RBM14: variants seen among roughly 807,000 people sequenced by gnomAD.
RBM14 encodes RNA-binding protein 14.
RBM14 carries 5 observed loss-of-function variants against 52.8 expected under a neutral mutation model. That is an observed-to-expected ratio of 0.09 (90% confidence interval 0.05 to 0.20). RBM14 has a LOEUF of 0.20. Among genes scored for constraint, RBM14 ranks in the 10% least tolerant of loss-of-function variants. RBM14 has a pLI of 1.00. For synonymous variants in RBM14, 411 were observed against 401.8 expected (o/e 1.02, Z -0.28); for missense variants, 780 against 926.6 (o/e 0.84, Z 2.05).
chr11:66,623,147 A>G (rs527976621), intron 1 of RBM14, among the ~76,000 whole-genome samples: 1 of 152,322 alleles, frequency 6.6e-6, no homozygotes, highest in African/African-American at 2.4e-5. Context: ...AGCTGCAGTA[A>G]TTGCAGCTTC....
In RBM14 at chr11:66,629,633, G is replaced by A. The variant is rs1175519701; in HGVS notation, c.*2965G>A. The stretch of plus-strand genomic sequence containing the variant: ...CAGATTTACTGGATTTATGGACCTA[G>A]TATATACTATGTAACAGATGGAAAA... On this transcript the variant is annotated 3_prime_UTR_variant, in exon 3 of 3. Transcript: ENST00000310137. Among the ~76,000 whole-genome samples, 1 of 152,198 alleles carries A rather than the reference G, an allele frequency of 6.6e-6. No homozygotes were observed. The highest frequency in any genetic ancestry group is 1.5e-5 in the Non-Finnish European group (1 of 68,040).
chr11:66,626,170 AG>A, intron 2 of RBM14, among the ~76,000 whole-genome samples: 1 of 152,228 alleles, frequency 6.6e-6, no homozygotes, highest in East Asian at 1.9e-4. Flanking sequence ...CTTTCTCTGC[AG>A]GGCCCAGGGG....
At position 66,624,917 on chromosome 11, in the gene RBM14, T is replaced by G; in HGVS notation, c.1041T>G (p.Ser347=). The G allele has an allele frequency of 1.2e-6, 2 of 1,613,784 alleles. No individual in the cohort carries two copies. The highest frequency in any genetic ancestry group is 1.7e-6 in the Non-Finnish European group (2 of 1,179,924). The part of the protein sequence containing the change: ...SLASYGNQPS[S]YGAQAASSYG... ...CCTCCTATGGTAACCAGCCATCCTC[T>G]TACGGCGCCCAGGCTGCCTCTTCCT... Residue 347 remains serine (S), a synonymous_variant, in exon 2 of 3, where the codon TCT becomes TCG. Coordinates refer to ENST00000310137, the MANE Select transcript of RBM14 (RefSeq NM_006328.4). This position sits in a 1 kb window ranked among gnomAD's most constrained non-coding sequence, Gnocchi z 4.7.
intron 1 of RBM14, chr11:66,618,398 G>T: frequency 1.5e-6 from 1 of 681,050 alleles, no homozygotes; most frequent in South Asian, 1.6e-5. Context: ...GCCATTCCTA[G>T]TCCTTTAAGT....
chr11:66,618,585 T>C lies in RBM14; in HGVS notation c.337+1528T>C, dbSNP rs934968024. On this transcript the variant is annotated intron_variant, in intron 1 of 2. Coordinates refer to ENST00000310137, the MANE Select transcript of RBM14 (RefSeq NM_006328.4). ...TGGTGCATGGATTTTTGCTTTTGTT[T>C]AGAGTAAAAGAGTGGTGGGGGAGGG... 8.4e-6 allele frequency: 6 copies of C among 717,278 alleles called. No homozygotes were observed. In the East Asian group the frequency reaches 1.6e-4, roughly 19 times the overall value. 44.4% of individuals were successfully genotyped at this position (717,278 alleles called of 1,614,324 possible). A position where few individuals can be genotyped will look rare whatever the true frequency, so the allele number is the denominator to read the frequency against.
At position 66,626,637 on chromosome 11, in the gene RBM14, A is replaced by G; in HGVS notation, c.1979A>G (p.Gln660Arg). The G allele has an allele frequency of 6.2e-7, 1 of 1,611,558 alleles. No homozygotes were observed. Among genetic ancestry groups the G allele is most frequent in the Non-Finnish European group, 8.5e-7 (1 of 1,179,322 alleles). The stretch of plus-strand genomic sequence containing the variant: ...TATAATGATTACCTGCGGGCGGCTC[A>G]GATGCACTCTGGCTACCAGCGCCGC... Reference protein sequence around the residue: ...GSYNDYLRAAQMHSGYQRRM With the variant: ...GSYNDYLRAARMHSGYQRRM The change falls in exon 3 of 3, where the codon CAG (glutamine) becomes CGG (arginine). Residue 660 changes from glutamine (Q) to arginine (R), a missense_variant. This residue lies in a region of RBM14 where 675 missense variants were observed against 697.3 expected (regional missense o/e 0.97). Transcript: ENST00000310137.
rs1361477043 is a variant in RBM14, at chr11:66,624,519, A to G, written c.643A>G (p.Ser215Gly). 1 of 1,612,922 alleles carries G rather than the reference A, an allele frequency of 6.2e-7. No individual in the cohort carries two copies. Among genetic ancestry groups the G allele is most frequent in the African/African-American group, 1.3e-5 (1 of 74,896 alleles). Residue 215 changes from serine to glycine, a missense_variant, in exon 2 of 3, where the codon AGC (serine) becomes GGC (glycine). Physicochemically the swap from Ser to Gly is moderately conservative, Grantham distance 56. Around this residue, in one of 4 missense-constraint regions of RBM14, gnomAD observed 675 missense variants for 697.3 expected, o/e 0.97. Coordinates refer to ENST00000310137, the MANE Select transcript of RBM14 (RefSeq NM_006328.4). This position sits in a 1 kb window ranked among gnomAD's most constrained non-coding sequence, Gnocchi z 4.7. ...PTPPFFGRDRSPLRRSPPRAS... is the reference protein window; with the variant it reads ...PTPPFFGRDRGPLRRSPPRAS... ...ACCACCCTTCTTTGGTCGCGACCGC[A>G]GCCCTCTGCGCCGTTCACCTCCCCG...
chr11:66,623,590 G>A (rs1395376192), intron 1 of RBM14, among the ~76,000 whole-genome samples: 1 of 152,182 alleles, frequency 6.6e-6, no homozygotes, highest in East Asian at 1.9e-4. Context: ...AGGATTGTGA[G>A]GCCCAAATGA....
In RBM14 at chr11:66,625,571, C is replaced by T. The variant is rs983341089; in HGVS notation, c.1695C>T (p.Ala565=). ...SAAYLSMSQG[A]VANANSTPPP... is the part of the protein sequence containing the mutation. ...CCTACCTGTCCATGTCCCAGGGGGC[C>T]GTTGCCAACGCCAACAGCACCCCGC... Residue 565 remains alanine, a synonymous_variant, in exon 2 of 3, where the codon GCC becomes GCT. Transcript: ENST00000310137. The surrounding 1 kb of genome is among the most constrained non-coding windows in gnomAD (Gnocchi z 4.2). 1.2e-6 allele frequency: 2 copies of T among 1,611,928 alleles called. No homozygotes were observed. Among genetic ancestry groups the T allele is most frequent in the Non-Finnish European group, 1.7e-6 (2 of 1,179,724 alleles).
Position 66,624,024 on chromosome 11 carries a change from G to C in RBM14, c.338-190G>C. On this transcript the variant is annotated intron_variant, in intron 1 of 2. Coordinates refer to ENST00000310137, the MANE Select transcript of RBM14 (RefSeq NM_006328.4). The surrounding 1 kb of genome is among the most constrained non-coding windows in gnomAD (Gnocchi z 4.7). ...TGGGAAGAAGGCTGTAGGCAAAGAT[G>C]ACTGCTTGGGACAGTCAGAAGCTTT... 2 of 976,944 alleles carry C rather than the reference G, an allele frequency of 2.0e-6. No individual in the cohort carries two copies. The highest frequency in any genetic ancestry group is 3.2e-6 in the Non-Finnish European group (2 of 623,442). The allele number at this position is 976,944 out of a possible 1,614,324, so 60.5% of individuals were successfully genotyped here. A position where few individuals can be genotyped will look rare whatever the true frequency, so the allele number is the denominator to read the frequency against.
Position 66,627,024 on chromosome 11 carries a change from T to G in RBM14, c.*356T>G, listed in dbSNP as rs1330823516. 1 of 188,912 alleles carries G rather than the reference T, an allele frequency of 5.3e-6. No individual in the cohort carries two copies. The highest frequency in any genetic ancestry group is 2.4e-5 in the African/African-American group (1 of 42,422). 11.7% of individuals were successfully genotyped at this position (188,912 alleles called of 1,614,324 possible). A position where few individuals can be genotyped will look rare whatever the true frequency, so the allele number is the denominator to read the frequency against. ...TCTGGATGGGGAAGCAACCTGCAGC[T>G]GAGGTCGCCGGCGCCTTTTTCTTTT... On this transcript the variant is annotated 3_prime_UTR_variant, in exon 3 of 3. Transcript: ENST00000310137.
rs1157862307 is a variant in RBM14 at position 66,626,889 on chromosome 11, C to T, written c.*221C>T. On this transcript the variant is annotated 3_prime_UTR_variant, in exon 3 of 3. Transcript: ENST00000310137. ...GCAAATCTTGCTACTGGCTCTAGAT[C>T]TGCGGTTTCCCCTCTACCCTGCCTC... The T allele has an allele frequency of 2.1e-5, 11 of 521,050 alleles. No homozygotes were observed. Among genetic ancestry groups the T allele is most frequent in the Non-Finnish European group, 3.4e-5 (10 of 296,664 alleles). The allele number at this position is 521,050 out of a possible 1,614,324, so 32.3% of individuals were successfully genotyped here.
intron 1 of RBM14, among the ~76,000 whole-genome samples, chr11:66,622,935 G>T (rs955216357): frequency 5.3e-5 from 8 of 152,164 alleles, no homozygotes; most frequent in African/African-American, 1.7e-4. Flanking sequence ...TTTCCTAGGG[G>T]CAGGATTCTC....
Position 66,617,067 on chromosome 11 carries a change from A to G in RBM14, c.337+10A>G, listed in dbSNP as rs539164893. The G allele has an allele frequency of 1.7e-4, 260 of 1,561,640 alleles. No individual in the cohort carries two copies. The highest frequency in any genetic ancestry group is 2.1e-4 in the Non-Finnish European group (237 of 1,151,736). On this transcript the variant is annotated intron_variant, in intron 1 of 2. Coordinates refer to ENST00000310137, the MANE Select transcript of RBM14 (RefSeq NM_006328.4). The stretch of plus-strand genomic sequence containing the variant: ...TGTGACGTGGTGAAAGGTAACGCGG[A>G]GGCGCGCTCGGGGGCGGGGGCGCGC...
In RBM14 at chr11:66,624,651, G is replaced by A; in HGVS notation, c.775G>A (p.Val259Ile). 1 of 1,613,290 alleles carries A rather than the reference G, an allele frequency of 6.2e-7. No homozygotes were observed. Among genetic ancestry groups the A allele is most frequent in the Non-Finnish European group, 8.5e-7 (1 of 1,179,956 alleles). ...YRAQPSASLG[V>I]GYRTQPMTAQ... ...GGCCCAGCCTTCTGCCTCTTTGGGT[G>A]TTGGCTATCGGACTCAGCCCATGAC... Residue 259 changes from valine (V) to isoleucine (I), a missense_variant, in exon 2 of 3, where the codon GTT becomes ATT. Val to Ile is a conservative substitution (Grantham distance 29). Transcript: ENST00000310137. The surrounding 1 kb of genome is among the most constrained non-coding windows in gnomAD (Gnocchi z 4.7).
intron 1 of RBM14, among the ~76,000 whole-genome samples, chr11:66,620,092 G>C (rs1439661177): frequency 1.3e-5 from 2 of 152,156 alleles, no homozygotes; most frequent in Non-Finnish European, 2.9e-5. Context: ...GGTCTTAGGA[G>C]TACTTGGGTG....
chr11:66,617,575 C>G (rs915937900), intron 1 of RBM14: 38 of 988,116 alleles, frequency 3.8e-5, no homozygotes, highest in Non-Finnish European at 4.6e-5. Context: ...GGACGTTTCT[C>G]GGGCTGGGGT....
Position 66,624,810 on chromosome 11 carries a change from G to T in RBM14, c.934G>T (p.Ala312Ser). 1 of 1,614,062 alleles carries T rather than the reference G, an allele frequency of 6.2e-7. No individual in the cohort carries two copies. Among genetic ancestry groups the T allele is most frequent in the Non-Finnish European group, 8.5e-7 (1 of 1,179,966 alleles). ...CCCATATGGTGGAGCCCAGCCCTCA[G>T]CCTCGGCCCTTTCCTCCTATGGGGG... ...LGPYGGAQPS[A>S]SALSSYGGQA... is the part of the protein sequence containing the mutation. Residue 312 changes from alanine (A) to serine (S), a missense_variant, in exon 2 of 3, where the codon GCC becomes TCC. By Grantham distance (99) the Ala-to-Ser change is moderately conservative. Around this residue, in one of 4 missense-constraint regions of RBM14, gnomAD observed 675 missense variants for 697.3 expected, o/e 0.97. Transcript: ENST00000310137. The surrounding 1 kb of genome is among the most constrained non-coding windows in gnomAD (Gnocchi z 4.7).
At position 66,616,713 on chromosome 11, in the gene RBM14, G is replaced by T; in HGVS notation, c.-8G>T. 6.3e-7 allele frequency: 1 copy of T among 1,586,616 alleles called. No individual in the cohort carries two copies. The highest frequency in any genetic ancestry group is 8.6e-7 in the Non-Finnish European group (1 of 1,160,824). ...CGGGCTCTCCAGGAAGGTGGCTGCG[G>T]CGACAAAATGAAGATATTCGTGGGC... is the stretch of plus-strand genomic sequence containing the variant. On this transcript the variant is annotated 5_prime_UTR_variant, in exon 1 of 3. Transcript: ENST00000310137.
Sources: gnomAD v4.1 joint callset for allele counts (sites outside exome capture counted in the v4.1 genomes callset) on GRCh38, gnomAD v4.1.1 for gene constraint, gnomAD v4.1.1 regional missense constraint, Gnocchi (gnomAD v3.1) non-coding constraint, MANE v1.5 for transcripts, NCBI Gene and HGNC (gene_info 2026-07-23, HGNC 2026-07-21) for gene names.